CSMD3: variants seen among roughly 807,000 people sequenced by gnomAD.
CSMD3 encodes the protein CUB and sushi domain-containing protein 3.
Under a neutral mutation model 435.2 loss-of-function variants are expected in CSMD3, and 177 were observed. That is an observed-to-expected ratio of 0.41 (90% CI 0.36 to 0.46). CSMD3 has a LOEUF of 0.46. CSMD3 is among the 20% of genes least tolerant of loss of function. The probability of loss-of-function intolerance (pLI) is 0.34; values close to 1 mark genes in which losing one functional copy is unlikely to be tolerated. For missense variants in CSMD3, 4,265 were observed against 4,504.6 expected, an observed-to-expected ratio of 0.95 and a Z score of 1.52; for synonymous variants, 1,656 against 1,520.5, an observed-to-expected ratio of 1.09 and a Z score of -2.07.
At chr8:113,116,639 CAGA>C (rs959924815) in intron 4 of CSMD3, among the ~76,000 whole-genome samples, 1 of 152,000 alleles carries the variant, frequency 6.6e-6, no homozygotes, top group Non-Finnish European at 1.5e-5. Context: ...TTGGAGGGCT[CAGA>C]AGAAGACAAA....
At chr8:112,968,155 C>G (rs1304206262) in intron 7 of CSMD3, among the ~76,000 whole-genome samples, 1 of 151,776 alleles carries the variant, frequency 6.6e-6, no homozygotes, top group Non-Finnish European at 1.5e-5. Flanking sequence ...TTGTTAATCT[C>G]TAAATTCCTT....
At chr8:112,607,215 A>C (rs1305859742) in intron 22 of CSMD3, among the ~76,000 whole-genome samples, 1 of 151,804 alleles carries the variant, frequency 6.6e-6, no homozygotes, top group African/African-American at 2.4e-5. Flanking sequence ...TCACAATTAC[A>C]TGCTAACAAA....
intron 32 of CSMD3, 83 bp from the exon 33 acceptor site, chr8:112,409,115 GGA>G: frequency 6.3e-7 from 1 of 1,597,758 alleles, no homozygotes; most frequent in East Asian, 2.3e-5. Flanking sequence ...AGAAAGAGGA[GGA>G]GAGAGAGAAC....
chr8:113,337,426 A>G (rs1428272656), intron 1 of CSMD3, among the ~76,000 whole-genome samples: 3 of 152,172 alleles, frequency 2.0e-5, no homozygotes, highest in African/African-American at 7.2e-5. Flanking sequence ...GAACTGGGAC[A>G]AGTGGATACA....
chr8:112,984,285 T>C (rs1469805410), intron 6 of CSMD3, among the ~76,000 whole-genome samples: 7 of 151,940 alleles, frequency 4.6e-5, no homozygotes, highest in Non-Finnish European at 1.0e-4. Context: ...ATTTAGAGAA[T>C]ATAAGTAAAA....
intron 10 of CSMD3, among the ~76,000 whole-genome samples, chr8:112,861,823 T>C (rs1180228448): frequency 6.6e-6 from 1 of 151,936 alleles, no homozygotes; most frequent in Non-Finnish European, 1.5e-5. Flanking sequence ...ATACTCCTTC[T>C]CTGAGTGGTA....
At position 112,234,129 on chromosome 8, in the gene CSMD3, CCA is replaced by C. The variant is rs373495637; in HGVS notation, c.10740+234_10740+235del. ...CACCCACATCCACCCATACCCTCCC[CCA>C]CACACACGTACACCCCACCACCACA... is the stretch of plus-strand genomic sequence containing the variant. On this transcript the variant is annotated intron_variant, in intron 68 of 70. Coordinates refer to ENST00000297405, the MANE Select transcript of CSMD3 (RefSeq NM_198123.2). Among the ~76,000 whole-genome samples, 4 of 150,992 alleles carry C rather than the reference CCA, an allele frequency of 2.6e-5. No homozygotes were observed. The South Asian group carries it at 8.4e-4, about 32-fold the overall frequency.
chr8:112,697,111 A>T (rs1204846229), intron 13 of CSMD3, among the ~76,000 whole-genome samples: 1 of 151,524 alleles, frequency 6.6e-6, no homozygotes. Context: ...AAATAGGAAC[A>T]CTTTTACACT....
At chr8:113,159,109 T>G (rs1297438683) in intron 4 of CSMD3, among the ~76,000 whole-genome samples, 1 of 151,970 alleles carries the variant, frequency 6.6e-6, no homozygotes, top group Non-Finnish European at 1.5e-5. Context: ...GTATAATAAA[T>G]GTTTACAAAT....
At chr8:113,019,330 A>G (rs1045486668) in intron 5 of CSMD3, 151 bp from the exon 6 acceptor site, 4 of 664,226 alleles carry the variant, frequency 6.0e-6, no homozygotes, top group Admixed American at 4.5e-5. Flanking sequence ...TTTTATGCAT[A>G]GAAAAGTCAA....
chr8:112,562,448 T>C (rs904314779), intron 24 of CSMD3, among the ~76,000 whole-genome samples: 2 of 151,498 alleles, frequency 1.3e-5, no homozygotes, highest in African/African-American at 2.4e-5. Context: ...TAACGGTCAA[T>C]GAAGATATGT....
rs1211364401 is a variant in CSMD3, at chr8:113,436,700, A to G, written c.155T>C (p.Leu52Ser). The change falls in exon 1 of 71, where the codon TTA (leucine) becomes TCA (serine). Residue 52 changes from leucine (L) to serine (S), a missense_variant. Leu to Ser is a moderately radical substitution (Grantham distance 145, BLOSUM62 -2). Transcript: ENST00000297405. ...SGFTFWNLVF[L>S]LTVSCVKGFI... Reference sequence around the variant, plus strand: ...ACCTTTCACACAAGACACCGTCAATAAAAAGACGAGGTTCCAAAACGTAAA... The same window carrying G: ...ACCTTTCACACAAGACACCGTCAATGAAAAGACGAGGTTCCAAAACGTAAA... 1 of 1,614,176 alleles carries G rather than the reference A, an allele frequency of 6.2e-7. No homozygotes were observed.
At chr8:113,087,223 C>G (rs753788225) in intron 5 of CSMD3, among the ~76,000 whole-genome samples, 2 of 152,136 alleles carry the variant, frequency 1.3e-5, no homozygotes, top group Non-Finnish European at 2.9e-5. Context: ...CCACCAACTT[C>G]TTATTCAGAA....
At chr8:112,761,367 T>C (rs1244390434) in intron 13 of CSMD3, among the ~76,000 whole-genome samples, 8 of 152,166 alleles carry the variant, frequency 5.3e-5, no homozygotes, top group Non-Finnish European at 1.2e-4. Flanking sequence ...ATGTAGAATG[T>C]ATTTTTACAT....
chr8:113,148,226 T>A (rs1411946033), intron 4 of CSMD3, among the ~76,000 whole-genome samples: 1 of 151,732 alleles, frequency 6.6e-6, no homozygotes, highest in Non-Finnish European at 1.5e-5. Flanking sequence ...ATAATTTTCA[T>A]CTTATTTTTC....
chr8:112,291,923 C>T (rs762194498), intron 55 of CSMD3, among the ~76,000 whole-genome samples: 17 of 151,842 alleles, frequency 1.1e-4, no homozygotes, highest in Non-Finnish European at 2.5e-4. Flanking sequence ...AAAATAGCAA[C>T]TTTGTAAGTA....
intron 12 of CSMD3, among the ~76,000 whole-genome samples, chr8:112,818,859 A>G (rs1372195907): frequency 1.3e-5 from 2 of 152,212 alleles, no homozygotes; most frequent in Non-Finnish European, 1.5e-5. Flanking sequence ...GAGCCATTTG[A>G]AAAAGTAATT....
chr8:112,667,181 G>C (rs1246563913), intron 16 of CSMD3, among the ~76,000 whole-genome samples: 7 of 152,056 alleles, frequency 4.6e-5, no homozygotes, highest in Non-Finnish European at 8.8e-5. Context: ...GTTTTAGAGA[G>C]AGCAACTTGC....
At chr8:113,389,538 C>A (rs1469615472) in intron 1 of CSMD3, among the ~76,000 whole-genome samples, 4 of 151,644 alleles carry the variant, frequency 2.6e-5, no homozygotes, top group Non-Finnish European at 5.9e-5. Context: ...TTATTGTCAT[C>A]ATTAAAACAA....
Sources: gnomAD v4.1 joint callset for allele counts (sites outside exome capture counted in the v4.1 genomes callset) on GRCh38, gnomAD v4.1.1 for gene constraint, MANE v1.5 for transcripts, NCBI Gene and HGNC (gene_info 2026-07-23, HGNC 2026-07-21) for gene names.